The following RABGAP1L variants were observed in gnomAD, a reference collection of about 807,000 sequenced individuals.
RABGAP1L encodes the protein RAB GTPase activating protein 1 like.
In RABGAP1L, 63 loss-of-function variants were observed where a neutral mutation model predicts 137.7. That is an observed-to-expected ratio of 0.46 (90% confidence interval 0.37 to 0.56). The LOEUF is 0.56. Ranked by LOEUF, RABGAP1L falls within the 20% of genes least tolerant of loss-of-function variation. The pLI, the probability that RABGAP1L is intolerant of heterozygous loss-of-function variation, is 0.00. For missense variants in RABGAP1L, 1,095 were observed against 1,244.0 expected, an observed-to-expected ratio of 0.88 and a Z score of 1.80; for synonymous variants, 431 against 433.7, an observed-to-expected ratio of 0.99 and a Z score of 0.08.
rs965922055 is a variant in RABGAP1L, at chr1:174,829,756, ATAGAC to A, written c.2340+17800_2340+17804del. ...TATAATTACTAATAGATCACAAATG[ATAGAC>A]TAGTTATTTCCATCTTTATGTATGA... On this transcript the variant is annotated intron_variant, in intron 19 of 25. Coordinates refer to ENST00000681986, the MANE Select transcript of RABGAP1L (RefSeq NM_001366446.1). Among the ~76,000 whole-genome samples, 45 of 148,724 alleles carry A rather than the reference ATAGAC, an allele frequency of 3.0e-4. 2 individuals carry two copies. Among genetic ancestry groups the A allele is most frequent in the Middle Eastern group, 3.5e-3 (1 of 282 alleles).
chr1:174,863,233 C>CAAAAAAA (rs71117585), intron 19 of RABGAP1L, among the ~76,000 whole-genome samples: 1,844 of 82,592 alleles, frequency 0.022, 189 homozygotes, highest in African/African-American at 0.083. Context: ...TTGTTTGTAG[C>CAAAAAAA]AAAAAAAAAA....
At chr1:174,548,145 G>A (rs1666172653) in intron 13 of RABGAP1L, 8 of 1,495,030 alleles carry the variant, frequency 5.4e-6, no homozygotes, top group Non-Finnish European at 7.1e-6. Context: ...CATTTCCCAG[G>A]TTGATGTTAC....
intron 13 of RABGAP1L, among the ~76,000 whole-genome samples, chr1:174,533,030 C>T (rs902769879): frequency 2.6e-5 from 4 of 152,160 alleles, no homozygotes. Context: ...GTCGGGAGAT[C>T]AAGGCCATCC....
At chr1:174,812,693 C>A in intron 19 of RABGAP1L, among the ~76,000 whole-genome samples, 1 of 151,824 alleles carries the variant, frequency 6.6e-6, no homozygotes, top group East Asian at 1.9e-4. Context: ...ATAATAAATA[C>A]ATTATTTATT....
rs187776844 is a variant in RABGAP1L, at chr1:174,330,835, A to G, written c.1465+25708A>G. Among the ~76,000 whole-genome samples the G allele has an allele frequency of 1.4e-3, 220 of 152,312 alleles. 1 individual carries two copies. The highest frequency in any genetic ancestry group is 4.4e-3 in the South Asian group (21 of 4,824). ...GACATTCTTCACAGAAATAGAAAAAAAAATTTAAATTCATATGGAGCCACA... is the reference window on the plus strand; with the variant it reads ...GACATTCTTCACAGAAATAGAAAAAGAAATTTAAATTCATATGGAGCCACA... On this transcript the variant is annotated intron_variant, in intron 11 of 25. Transcript: ENST00000681986.
At chr1:174,399,280 G>A (rs1425627397) in intron 13 of RABGAP1L, among the ~76,000 whole-genome samples, 3 of 152,116 alleles carry the variant, frequency 2.0e-5, no homozygotes, top group Non-Finnish European at 2.9e-5. Context: ...GAGTGTATGT[G>A]GGTACTTTGG....
intron 11 of RABGAP1L, among the ~76,000 whole-genome samples, chr1:174,365,035 C>T (rs558162584): frequency 6.6e-6 from 1 of 152,148 alleles, no homozygotes; most frequent in African/African-American, 2.4e-5. Flanking sequence ...TCTTTGCTGT[C>T]CTCTCCTTAA....
At chr1:174,597,550 G>A (rs1443980358) in intron 13 of RABGAP1L, among the ~76,000 whole-genome samples, 1 of 151,812 alleles carries the variant, frequency 6.6e-6, no homozygotes, top group Non-Finnish European at 1.5e-5. Flanking sequence ...TGTGGAATCA[G>A]TTGTAATTTT....
intron 13 of RABGAP1L, among the ~76,000 whole-genome samples, chr1:174,435,608 C>G (rs1006949466): frequency 1.3e-5 from 2 of 151,934 alleles, no homozygotes; most frequent in South Asian, 4.2e-4. Flanking sequence ...AGACTTTCTT[C>G]TTCTCACTGA....
intron 13 of RABGAP1L, among the ~76,000 whole-genome samples, chr1:174,415,236 C>A (rs1288354524): frequency 3.3e-5 from 5 of 151,922 alleles, no homozygotes. Flanking sequence ...TATTCAGTTC[C>A]TTTTTCCCTG....
At chr1:174,906,155 CT>C (rs1160822708) in intron 19 of RABGAP1L, among the ~76,000 whole-genome samples, 13 of 152,078 alleles carry the variant, frequency 8.5e-5, no homozygotes, top group African/African-American at 2.9e-4. Flanking sequence ...GTAGCTAGGA[CT>C]GTAGGCATGT....
intron 13 of RABGAP1L, among the ~76,000 whole-genome samples, chr1:174,466,764 G>A (rs768367359): frequency 6.6e-6 from 1 of 152,164 alleles, no homozygotes; most frequent in African/African-American, 2.4e-5. Flanking sequence ...TCTAGTCTGG[G>A]CGAGAGAGCG....
At chr1:174,233,786 T>C (rs1312596480) in intron 4 of RABGAP1L, among the ~76,000 whole-genome samples, 2 of 133,398 alleles carry the variant, frequency 1.5e-5, no homozygotes, top group Non-Finnish European at 3.0e-5. Flanking sequence ...TACCGAGTAA[T>C]GGGATGGCTG....
intron 18 of RABGAP1L, among the ~76,000 whole-genome samples, chr1:174,808,600 A>G (rs1389410806): frequency 1.3e-5 from 2 of 151,140 alleles, no homozygotes; most frequent in African/African-American, 4.9e-5. Context: ...ACCTTAAATT[A>G]TTTCATTCTC....
chr1:174,342,715 C>T (rs905743407), intron 11 of RABGAP1L, among the ~76,000 whole-genome samples: 2 of 151,372 alleles, frequency 1.3e-5, no homozygotes, highest in East Asian at 1.9e-4. Context: ...CTCTTCCCTG[C>T]CCACCAATTC....
At chr1:174,899,780 T>C (rs912170657) in intron 19 of RABGAP1L, among the ~76,000 whole-genome samples, 1 of 152,182 alleles carries the variant, frequency 6.6e-6, no homozygotes, top group African/African-American at 2.4e-5. Flanking sequence ...AAAGGTAATA[T>C]AGAAAATTTT....
chr1:174,621,014 C>G (rs960456271), intron 13 of RABGAP1L, among the ~76,000 whole-genome samples: 15 of 152,288 alleles, frequency 9.8e-5, no homozygotes, highest in African/African-American at 3.1e-4. Context: ...TACCTCTACA[C>G]AAATAAACTA....
intron 1 of RABGAP1L, among the ~76,000 whole-genome samples, chr1:174,198,567 A>G (rs1333216469): frequency 6.6e-6 from 1 of 152,248 alleles, no homozygotes; most frequent in Non-Finnish European, 1.5e-5. Flanking sequence ...CATGAAAATA[A>G]GTCTTTCCAA....
At chr1:174,984,103 GT>G (rs1294646383) in intron 24 of RABGAP1L, among the ~76,000 whole-genome samples, 1 of 148,222 alleles carries the variant, frequency 6.7e-6, no homozygotes, top group Non-Finnish European at 1.5e-5. Flanking sequence ...GAAGGTGCAG[GT>G]TTGTTACATA....
Sources: allele counts gnomAD v4.1 joint callset (sites outside exome capture counted in the v4.1 genomes callset), GRCh38; gene constraint gnomAD v4.1.1; transcripts MANE v1.5; gene names NCBI Gene and HGNC (gene_info 2026-07-23, HGNC 2026-07-21).